Variants in FAM81A observed in about 807,000 individuals in gnomAD.
FAM81A encodes protein FAM81A.
In FAM81A, 19 loss-of-function variants were observed where a neutral mutation model predicts 46.7. That is an observed-to-expected ratio of 0.41 (90% CI 0.28 to 0.60). The LOEUF (loss-of-function observed/expected upper bound fraction) is 0.60, where lower values mean the gene tolerates loss of function less well. FAM81A is among the 20% of genes least tolerant of loss of function. The probability of loss-of-function intolerance (pLI) is 0.34; values close to 1 mark genes in which losing one functional copy is unlikely to be tolerated. For synonymous variants in FAM81A, 183 were observed against 152.9 expected (o/e 1.20, Z -1.45); for missense variants, 377 against 453.5 (o/e 0.83, Z 1.53).
At chr15:59,518,759 C>G (rs760868986) in intron 8 of FAM81A, among the ~76,000 whole-genome samples, 27 of 151,630 alleles carry the variant, frequency 1.8e-4, no homozygotes, top group Middle Eastern at 3.4e-3. Flanking sequence ...TTATAGCAAC[C>G]CTTTTCCAGT....
chr15:59,467,267 G>A (rs2081626162), intron 3 of FAM81A, among the ~76,000 whole-genome samples: 2 of 152,078 alleles, frequency 1.3e-5, no homozygotes, highest in South Asian at 4.1e-4. Flanking sequence ...GCTTGATGGG[G>A]ATGGCATTGA....
At chr15:59,492,157 G>C (rs2081988138) in intron 3 of FAM81A, 114 bp from the exon 4 acceptor site, 11 of 717,644 alleles carry the variant, frequency 1.5e-5, no homozygotes, top group Non-Finnish European at 2.1e-5. Flanking sequence ...TTGAAAAGGA[G>C]TCTCTTATGA....
At chr15:59,502,796 C>G (rs2082108660) in intron 4 of FAM81A, among the ~76,000 whole-genome samples, 1 of 151,926 alleles carries the variant, frequency 6.6e-6, no homozygotes, top group Non-Finnish European at 1.5e-5. Flanking sequence ...GCTGGGATTA[C>G]AGGCGTGAGC....
intron 2 of FAM81A, among the ~76,000 whole-genome samples, chr15:59,423,010 C>G (rs1362306905): frequency 6.6e-6 from 1 of 152,076 alleles, no homozygotes; most frequent in Non-Finnish European, 1.5e-5. Context: ...TTATGGAATG[C>G]TTACTACATG....
In FAM81A at chr15:59,507,307, A is replaced by C. The variant is rs2082159984; in HGVS notation, c.508A>C (p.Ile170Leu). The change falls in exon 5 of 9, where the codon ATC becomes CTC. Residue 170 changes from isoleucine (I) to leucine (L), a missense_variant. Ile to Leu is a conservative substitution (Grantham distance 5, BLOSUM62 2). Transcript: ENST00000288228. ...LNKEQQAAKL[I>L]LETKIKDAEG... ...CAAAGAACAGCAGGCTGCCAAACTT[A>C]TCTTGGAAACGAAAATCAAAGATGC... The C allele has an allele frequency of 6.2e-7, 1 of 1,612,560 alleles. No individual in the cohort carries two copies. The highest frequency in any genetic ancestry group is 1.3e-5 in the African/African-American group (1 of 74,928).
intron 8 of FAM81A, among the ~76,000 whole-genome samples, chr15:59,520,983 C>T (rs1410789859): frequency 2.0e-5 from 3 of 152,160 alleles, no homozygotes; most frequent in African/African-American, 7.2e-5. Flanking sequence ...GTTGTTTCTC[C>T]CAGTATGGGT....
At chr15:59,471,172 C>T (rs2081683633) in intron 3 of FAM81A, among the ~76,000 whole-genome samples, 1 of 152,082 alleles carries the variant, frequency 6.6e-6, no homozygotes, top group Non-Finnish European at 1.5e-5. Context: ...TGTTTGGTGG[C>T]CTTCTGTATT....
upstream of FAM81A, among the ~76,000 whole-genome samples, chr15:59,436,988 C>T (rs1437245761): frequency 2.0e-5 from 3 of 152,154 alleles, no homozygotes; most frequent in African/African-American, 7.2e-5. Flanking sequence ...TAGTTTCTAG[C>T]ACTTGGCAGC....
chr15:59,520,296 T>C (rs1165678078), intron 8 of FAM81A, among the ~76,000 whole-genome samples: 2 of 152,292 alleles, frequency 1.3e-5, no homozygotes, highest in East Asian at 3.9e-4. Flanking sequence ...CCCTCGCTAA[T>C]GCTTGTACTC....
intron 3 of FAM81A, among the ~76,000 whole-genome samples, chr15:59,488,288 T>C (rs1216038987): frequency 6.6e-6 from 1 of 152,094 alleles, no homozygotes; most frequent in East Asian, 1.9e-4. Context: ...ATAAAAGCCA[T>C]ATATGACAGA....
chr15:59,459,436 G>C (rs954661981), intron 2 of FAM81A, among the ~76,000 whole-genome samples: 2 of 152,224 alleles, frequency 1.3e-5, no homozygotes, highest in Non-Finnish European at 2.9e-5. Flanking sequence ...TCACTCATGG[G>C]TGGAGCAGAA....
intron 3 of FAM81A, among the ~76,000 whole-genome samples, chr15:59,486,827 A>G (rs1596518179): frequency 6.6e-6 from 1 of 152,284 alleles, no homozygotes; most frequent in African/African-American, 2.4e-5. Flanking sequence ...AGACTTTCCC[A>G]GACAAACAAA....
At chr15:59,424,560 G>T (rs2081187328) in intron 2 of FAM81A, among the ~76,000 whole-genome samples, 1 of 152,176 alleles carries the variant, frequency 6.6e-6, no homozygotes, top group African/African-American at 2.4e-5. Context: ...TTACATACTT[G>T]ACAAGTCCAA....
chr15:59,398,705 C>G (rs1432006986), intron 1 of FAM81A, among the ~76,000 whole-genome samples: 1 of 135,674 alleles, frequency 7.4e-6, no homozygotes, highest in Non-Finnish European at 1.5e-5. Context: ...TTGCAGTGAG[C>G]CAGGATCACG....
At chr15:59,431,460 C>A (rs1454871229) in intron 2 of FAM81A, among the ~76,000 whole-genome samples, 5 of 151,874 alleles carry the variant, frequency 3.3e-5, no homozygotes, top group African/African-American at 9.7e-5. Context: ...GTCTCGAACT[C>A]CTGACCTCAT....
chr15:59,401,709 G>A (rs1320507826), intron 1 of FAM81A: 38 of 776,900 alleles, frequency 4.9e-5, no homozygotes, highest in South Asian at 8.1e-5. Context: ...ACTTTAGCTC[G>A]AGATTGTCCC....
intron 8 of FAM81A, among the ~76,000 whole-genome samples, chr15:59,517,540 G>A (rs764988399): frequency 1.2e-4 from 18 of 152,150 alleles, no homozygotes; most frequent in Non-Finnish European, 2.2e-4. Flanking sequence ...GGAAGAAGAC[G>A]TTCCTGTAGT....
chr15:59,432,411 C>T (rs1217891599), intron 2 of FAM81A, among the ~76,000 whole-genome samples: 1 of 152,192 alleles, frequency 6.6e-6, no homozygotes, highest in Non-Finnish European at 1.5e-5. Flanking sequence ...TATGTGCTGT[C>T]CTTGGGGAAG....
At chr15:59,514,139 G>A in intron 6 of FAM81A, 150 bp from the exon 7 acceptor site, 1 of 781,396 alleles carries the variant, frequency 1.3e-6, no homozygotes, top group Non-Finnish European at 1.9e-6. Context: ...TTAATACCTA[G>A]GTGATGGGTT....
Sources: gnomAD v4.1 joint callset for allele counts (sites outside exome capture counted in the v4.1 genomes callset) on GRCh38, gnomAD v4.1.1 for gene constraint, MANE v1.5 for transcripts, NCBI Gene and HGNC (gene_info 2026-07-23, HGNC 2026-07-21) for gene names.